Variants in STON2 observed in about 807,000 individuals in gnomAD.
STON2 encodes the protein stonin-2.
Under a neutral mutation model 65.7 loss-of-function variants are expected in STON2, and 29 were observed. The ratio of observed to expected loss-of-function variants is 0.44; its 90% CI spans 0.33 to 0.60. STON2 has a LOEUF of 0.60. Ranked by LOEUF, STON2 falls within the 20% of genes least tolerant of loss-of-function variation. The pLI is 0.03. For synonymous variants in STON2, 404 were observed against 414.2 expected (o/e 0.98, Z 0.30); for missense variants, 1,054 against 1,118.1 (o/e 0.94, Z 0.82).
At chr14:81,355,952 A>C (rs1426267927) in intron 4 of STON2, among the ~76,000 whole-genome samples, 1 of 152,170 alleles carries the variant, frequency 6.6e-6, no homozygotes, top group Non-Finnish European at 1.5e-5. Context: ...GTCGTCTGCA[A>C]ACAGGGACAA....
chr14:81,397,652 T>C (rs1900392667), intron 2 of STON2, among the ~76,000 whole-genome samples: 1 of 152,218 alleles, frequency 6.6e-6, no homozygotes, highest in South Asian at 2.1e-4. Context: ...CACATGTCTC[T>C]GCAAATATCT....
chr14:81,357,706 C>T (rs751346255), intron 4 of STON2, among the ~76,000 whole-genome samples: 18 of 151,960 alleles, frequency 1.2e-4, no homozygotes, highest in Non-Finnish European at 2.4e-4. Context: ...TACTACGCAG[C>T]CATAAAAAAT....
chr14:81,424,952 A>G (rs1309854150), intron 2 of STON2, among the ~76,000 whole-genome samples: 2 of 152,234 alleles, frequency 1.3e-5, no homozygotes, highest in Non-Finnish European at 2.9e-5. Context: ...AGGGATTTAG[A>G]AACACACCAC....
At chr14:81,331,740 C>T (rs1430028649) in intron 4 of STON2, among the ~76,000 whole-genome samples, 1 of 152,178 alleles carries the variant, frequency 6.6e-6, no homozygotes, top group East Asian at 1.9e-4. Context: ...TCCCTCCTCT[C>T]CATGCAGAGC....
intron 2 of STON2, among the ~76,000 whole-genome samples, chr14:81,425,643 G>A (rs992918400): frequency 4.6e-5 from 7 of 152,004 alleles, no homozygotes; most frequent in African/African-American, 1.7e-4. Context: ...CCTGGCTCAT[G>A]GTGGCAAAGA....
chr14:81,281,988 G>A (rs1895144042), intron 5 of STON2, among the ~76,000 whole-genome samples: 1 of 152,122 alleles, frequency 6.6e-6, no homozygotes, highest in Non-Finnish European at 1.5e-5. Context: ...TGGTAGCAGG[G>A]CATAGGTAAA....
At chr14:81,332,791 T>A (rs1289551478) in intron 4 of STON2, among the ~76,000 whole-genome samples, 2 of 152,366 alleles carry the variant, frequency 1.3e-5, no homozygotes, top group East Asian at 3.9e-4. Context: ...CATCTATCCA[T>A]TAAGCATATT....
chr14:81,308,703 G>A (rs1427885991), intron 5 of STON2, among the ~76,000 whole-genome samples: 2 of 149,734 alleles, frequency 1.3e-5, no homozygotes, highest in African/African-American at 4.9e-5. Flanking sequence ...TTTGGTGCAA[G>A]GGAGAATAAA....
At chr14:81,317,571 CA>C (rs1277263682) in intron 5 of STON2, among the ~76,000 whole-genome samples, 3 of 152,200 alleles carry the variant, frequency 2.0e-5, no homozygotes, top group Non-Finnish European at 4.4e-5. Flanking sequence ...GAGGCTTAGG[CA>C]CAAGCCTTTC....
At chr14:81,298,029 C>T (rs1895827905) in intron 5 of STON2, among the ~76,000 whole-genome samples, 1 of 152,152 alleles carries the variant, frequency 6.6e-6, no homozygotes, top group Admixed American at 6.5e-5. Context: ...AAGAGCAAAA[C>T]TCTGTCTCAA....
intron 3 of STON2, among the ~76,000 whole-genome samples, chr14:81,393,435 T>A (rs1051097442): frequency 6.6e-6 from 1 of 151,728 alleles, no homozygotes; most frequent in Non-Finnish European, 1.5e-5. Flanking sequence ...GCAGGAAGAG[T>A]GAGGCAAACG....
chr14:81,367,165 G>A (rs1278938790), intron 4 of STON2, among the ~76,000 whole-genome samples: 1 of 152,026 alleles, frequency 6.6e-6, no homozygotes, highest in African/African-American at 2.4e-5. Context: ...TAGCTCATCT[G>A]AAAGCATTTT....
At chr14:81,422,843 C>T (rs1053945812) in intron 2 of STON2, among the ~76,000 whole-genome samples, 14 of 152,002 alleles carry the variant, frequency 9.2e-5, no homozygotes, top group African/African-American at 3.1e-4. Context: ...ACTAGCCTGG[C>T]CAACATGGTG....
At chr14:81,373,819 T>C (rs1453165237) in intron 3 of STON2, among the ~76,000 whole-genome samples, 2 of 151,938 alleles carry the variant, frequency 1.3e-5, no homozygotes, top group African/African-American at 2.4e-5. Context: ...TGCCTTAGGA[T>C]TGCATGAAGA....
At chr14:81,393,506 C>T (rs910870721) in intron 3 of STON2, among the ~76,000 whole-genome samples, 1 of 152,162 alleles carries the variant, frequency 6.6e-6, no homozygotes, top group Admixed American at 6.5e-5. Context: ...CAGCCTGGTG[C>T]GGAAGCTCTC....
At chr14:81,294,058 T>C (rs1478650486) in intron 5 of STON2, among the ~76,000 whole-genome samples, 1 of 152,222 alleles carries the variant, frequency 6.6e-6, no homozygotes, top group Non-Finnish European at 1.5e-5. Context: ...ACAGTAAAAT[T>C]GGCTTCTGTT....
At chr14:81,326,947 C>A (rs1476752500) in intron 4 of STON2, among the ~76,000 whole-genome samples, 2 of 152,280 alleles carry the variant, frequency 1.3e-5, no homozygotes, top group South Asian at 2.1e-4. Flanking sequence ...TTCCTCCCCA[C>A]CCATTGTCCT....
At chr14:81,360,868 T>C (rs578132392) in intron 4 of STON2, among the ~76,000 whole-genome samples, 1 of 152,264 alleles carries the variant, frequency 6.6e-6, no homozygotes, top group African/African-American at 2.4e-5. Context: ...ACTGTTTCTA[T>C]ACACCAACAA....
chr14:81,340,044 C>T (rs564131580), intron 4 of STON2, among the ~76,000 whole-genome samples: 2 of 152,272 alleles, frequency 1.3e-5, no homozygotes, highest in African/African-American at 4.8e-5. Context: ...GTCCTAGCTA[C>T]TCGGGAGGCT....
Sources: allele counts gnomAD v4.1 joint callset (sites outside exome capture counted in the v4.1 genomes callset), GRCh38; gene constraint gnomAD v4.1.1; transcripts MANE v1.5; gene names NCBI Gene and HGNC (gene_info 2026-07-23, HGNC 2026-07-21).